Variants in EPHB2 observed in about 807,000 individuals in gnomAD.
EPHB2 encodes the protein EPH receptor B2.
Under a neutral mutation model 96.4 loss-of-function variants are expected in EPHB2, and 18 were observed. The ratio of observed to expected loss-of-function variants is 0.19; its 90% CI spans 0.13 to 0.28. EPHB2 has a LOEUF of 0.28. Among genes scored for constraint, EPHB2 ranks in the 10% least tolerant of loss-of-function variants. The pLI is 1.00. For missense variants in EPHB2, 989 were observed against 1,355.4 expected (o/e 0.73, Z 4.25); for synonymous variants, 506 against 534.1 (o/e 0.95, Z 0.72).
rs1640215474 is a variant in EPHB2, at chr1:22,914,540, T to C, written c.*970T>C. 1.3e-5 allele frequency: 2 copies of C among 152,548 alleles called. No homozygotes were observed. Among genetic ancestry groups the C allele is most frequent in the African/African-American group, 4.8e-5 (2 of 41,410 alleles). The allele number at this position is 152,548 out of a possible 1,614,324, so 9.4% of individuals were successfully genotyped here. ...GGGGGTTTGTTTGTTGGGTTGTTTT[T>C]TGTTTTTTGGTTTTTTTTAATGACA... On this transcript the variant is annotated 3_prime_UTR_variant, in exon 16 of 16. Transcript: ENST00000374630.
intron 1 of EPHB2, among the ~76,000 whole-genome samples, chr1:22,725,593 A>C (rs1643564138): frequency 6.6e-6 from 1 of 151,886 alleles, no homozygotes; most frequent in Non-Finnish European, 1.5e-5. Flanking sequence ...CACACTCCCC[A>C]GGTTTGGAGA....
intron 3 of EPHB2, among the ~76,000 whole-genome samples, chr1:22,833,106 A>AT (rs913681506): frequency 1.4e-4 from 20 of 147,576 alleles, no homozygotes; most frequent in African/African-American, 4.0e-4. Context: ...CATTTAAGGG[A>AT]TTTTTTTTTC....
At chr1:22,758,479 G>A (rs138939673) in intron 1 of EPHB2, among the ~76,000 whole-genome samples, 12 of 152,168 alleles carry the variant, frequency 7.9e-5, no homozygotes, top group Non-Finnish European at 1.6e-4. Flanking sequence ...TGGGTATCCA[G>A]TGGCAGCTGG....
intron 1 of EPHB2, among the ~76,000 whole-genome samples, chr1:22,768,557 G>A (rs1370070833): frequency 1.3e-5 from 2 of 152,032 alleles, no homozygotes; most frequent in African/African-American, 2.4e-5. Flanking sequence ...AGCAGGGCAT[G>A]GTGATCACAC....
intron 6 of EPHB2, among the ~76,000 whole-genome samples, chr1:22,892,308 C>T (rs1044324421): frequency 5.9e-5 from 9 of 152,212 alleles, no homozygotes; most frequent in Non-Finnish European, 8.8e-5. Context: ...GTATAGTCCT[C>T]AGGATCTGCA....
intron 3 of EPHB2, among the ~76,000 whole-genome samples, chr1:22,821,307 G>A (rs916930335): frequency 6.6e-6 from 1 of 152,198 alleles, no homozygotes; most frequent in African/African-American, 2.4e-5. Flanking sequence ...ATTCTGGAAT[G>A]CCATGTGCCC....
In EPHB2 at chr1:22,748,385, T is replaced by C. The variant is rs1644007996; in HGVS notation, c.62-33036T>C. On this transcript the variant is annotated intron_variant, in intron 1 of 15. Transcript: ENST00000374630. ...AGGGGGCTTTCTGGGTCCTTTTTTTTTTTTTCTTTTTTTTGAGATGGAGTC... is the reference window on the plus strand; with the variant it reads ...AGGGGGCTTTCTGGGTCCTTTTTTTCTTTTTCTTTTTTTTGAGATGGAGTC... Among the ~76,000 whole-genome samples the C allele has an allele frequency of 2.6e-5, 4 of 151,364 alleles. No homozygotes were observed. In the South Asian group the frequency reaches 8.4e-4, roughly 32 times the overall value.
chr1:22,753,477 G>A (rs188676280), intron 1 of EPHB2, among the ~76,000 whole-genome samples: 37 of 152,224 alleles, frequency 2.4e-4, no homozygotes, highest in African/African-American at 7.5e-4. Flanking sequence ...AAAGTCAGTC[G>A]GTCCCCTGCC....
At chr1:22,803,691 ATG>A (rs1459795201) in intron 3 of EPHB2, among the ~76,000 whole-genome samples, 4 of 144,994 alleles carry the variant, frequency 2.8e-5, no homozygotes, top group Non-Finnish European at 4.5e-5. Context: ...ATGTATATAT[ATG>A]TGTGTATATA....
intron 3 of EPHB2, among the ~76,000 whole-genome samples, chr1:22,819,247 C>CTCTCTCTCTCTT (rs1645118555): frequency 6.8e-6 from 1 of 147,058 alleles, no homozygotes; most frequent in East Asian, 2.0e-4. Context: ...CTCTCTCTCT[C>CTCTCTCTCTCTT]TCTGCTGGTC....
intron 5 of EPHB2, among the ~76,000 whole-genome samples, chr1:22,876,987 C>T (rs1053375747): frequency 2.0e-5 from 3 of 152,162 alleles, no homozygotes; most frequent in African/African-American, 7.2e-5. Flanking sequence ...CTGCCTCCAC[C>T]AGCAGCTGAG....
chr1:22,756,553 G>A lies in EPHB2; in HGVS notation c.62-24868G>A, dbSNP rs181048595. Among the ~76,000 whole-genome samples the A allele has an allele frequency of 3.0e-3, 459 of 152,270 alleles. 2 individuals carry two copies. Among genetic ancestry groups the A allele is most frequent in the African/African-American group, 0.01 (432 of 41,550 alleles). ...CCGTCTGGGTTGAGCAGGCCTGGCC[G>A]CCTGCAGATTTATGAGGTGTGGGGG... On this transcript the variant is annotated intron_variant, in intron 1 of 15. Coordinates refer to ENST00000374630, the MANE Select transcript of EPHB2 (RefSeq NM_017449.5).
chr1:22,741,696 A>AAAAAAAC (rs55743842), intron 1 of EPHB2, among the ~76,000 whole-genome samples: 27,131 of 134,976 alleles, frequency 0.2, 3,696 homozygotes, highest in Non-Finnish European at 0.27. Context: ...AAACAAAAAA[A>AAAAAAAC]CAAAAAACCT....
chr1:22,891,672 T>C (rs1442387146), intron 6 of EPHB2, among the ~76,000 whole-genome samples: 1 of 152,206 alleles, frequency 6.6e-6, no homozygotes, highest in Non-Finnish European at 1.5e-5. Context: ...CTGGGTAACA[T>C]TCAGGAAGCC....
chr1:22,835,237 G>C (rs1364338627), intron 3 of EPHB2, among the ~76,000 whole-genome samples: 1 of 152,074 alleles, frequency 6.6e-6, no homozygotes, highest in Non-Finnish European at 1.5e-5. Context: ...AAAATTAGCT[G>C]GGCATGGTGG....
intron 8 of EPHB2, among the ~76,000 whole-genome samples, chr1:22,895,974 G>C (rs2148571225): frequency 6.6e-6 from 1 of 152,352 alleles, no homozygotes; most frequent in East Asian, 1.9e-4. Flanking sequence ...AGGAGGAGGA[G>C]GGGGGAGGGA....
intron 3 of EPHB2, among the ~76,000 whole-genome samples, chr1:22,793,443 T>C (rs1175025766): frequency 6.6e-6 from 1 of 152,130 alleles, no homozygotes; most frequent in Non-Finnish European, 1.5e-5. Context: ...TCCCAGGGCT[T>C]TGGAGGATGA....
At position 22,866,803 on chromosome 1, in the gene EPHB2, G is replaced by A. The variant is rs566759459; in HGVS notation, c.1303+1591G>A. 1.1e-4 allele frequency among the ~76,000 whole-genome samples: 17 copies of A among 152,176 alleles called. No individual in the cohort carries two copies. The South Asian group carries it at 2.3e-3, about 20-fold the overall frequency. On this transcript the variant is annotated intron_variant, in intron 5 of 15. Coordinates refer to ENST00000374630, the MANE Select transcript of EPHB2 (RefSeq NM_017449.5). The stretch of plus-strand genomic sequence containing the variant: ...ACAAAAATTAGCCAGGTATGGTCGC[G>A]GGCACCTGTAATCCCAGCTACTCAG...
intron 1 of EPHB2, among the ~76,000 whole-genome samples, chr1:22,771,876 C>T (rs552192789): frequency 6.6e-6 from 1 of 152,224 alleles, no homozygotes; most frequent in South Asian, 2.1e-4. Flanking sequence ...GGCTTGAGGG[C>T]GACTGGCCTG....
Sources: allele counts gnomAD v4.1 joint callset (sites outside exome capture counted in the v4.1 genomes callset), GRCh38; gene constraint gnomAD v4.1.1; transcripts MANE v1.5; gene names NCBI Gene and HGNC (gene_info 2026-07-23, HGNC 2026-07-21).